The following SUGCT variants were observed in gnomAD, a reference collection of about 807,000 sequenced individuals.
SUGCT encodes the protein succinyl-CoA:glutarate CoA-transferase.
Under a neutral mutation model 55.0 loss-of-function variants are expected in SUGCT, and 41 were observed. The ratio of observed to expected loss-of-function variants is 0.74; its 90% CI spans 0.58 to 0.97. SUGCT has a LOEUF of 0.97. SUGCT is among the 50% of genes least tolerant of loss of function. The pLI is 0.00. For missense variants in SUGCT, 568 were observed against 547.8 expected (o/e 1.04, Z -0.37); for synonymous variants, 187 against 200.4 (o/e 0.93, Z 0.56).
chr7:40,438,756 G>C (rs1175239809), intron 9 of SUGCT, among the ~76,000 whole-genome samples: 1 of 151,778 alleles, frequency 6.6e-6, no homozygotes, highest in Non-Finnish European at 1.5e-5. Context: ...CTGTGATAAA[G>C]AATCTGGTAG....
intron 12 of SUGCT, among the ~76,000 whole-genome samples, chr7:40,596,713 G>A (rs1175516204): frequency 6.6e-6 from 1 of 152,126 alleles, no homozygotes; most frequent in Non-Finnish European, 1.5e-5. Flanking sequence ...TATATGAAGT[G>A]TTAAAGTTTA....
intron 1 of SUGCT, among the ~76,000 whole-genome samples, chr7:40,150,125 C>T (rs1156819800): frequency 2.0e-5 from 3 of 152,092 alleles, no homozygotes; most frequent in Non-Finnish European, 2.9e-5. Flanking sequence ...GTCATGCGGC[C>T]GGAGGCTACA....
At chr7:40,466,711 A>G (rs1790128561) in intron 11 of SUGCT, among the ~76,000 whole-genome samples, 1 of 152,218 alleles carries the variant, frequency 6.6e-6, no homozygotes, top group African/African-American at 2.4e-5. Flanking sequence ...AGGATCCACG[A>G]TGTCAGGTTC....
At chr7:40,684,213 G>A in intron 12 of SUGCT, 3 of 1,488,756 alleles carry the variant, frequency 2.0e-6, no homozygotes, top group South Asian at 1.5e-5. Context: ...TCCATATCAA[G>A]GTTTGTGACC....
chr7:40,835,523 A>G (rs1584510646), intron 13 of SUGCT, among the ~76,000 whole-genome samples: 1 of 152,302 alleles, frequency 6.6e-6, no homozygotes, highest in Admixed American at 6.5e-5. Flanking sequence ...CAATACCTAC[A>G]TTCCATTCTA....
chr7:40,860,230 C>A, intron 13 of SUGCT, 86 bp from the exon 14 acceptor site: 1 of 1,529,742 alleles, frequency 6.5e-7, no homozygotes, highest in Non-Finnish European at 9.0e-7. Flanking sequence ...TTTTGGCATT[C>A]ATGGAAAACA....
intron 12 of SUGCT, among the ~76,000 whole-genome samples, chr7:40,531,098 G>A (rs75405821): frequency 0.027 from 4,126 of 152,294 alleles, 78 homozygotes; most frequent in Non-Finnish European, 0.041. Flanking sequence ...GTAAATAGAG[G>A]AAGAATGCAT....
chr7:40,310,370 C>T (rs566593934), intron 8 of SUGCT, among the ~76,000 whole-genome samples: 5 of 152,162 alleles, frequency 3.3e-5, no homozygotes, highest in African/African-American at 7.2e-5. Context: ...ACTGTCACAG[C>T]GAAAAGGAGC....
At chr7:40,767,340 T>C (rs1308826819) in intron 13 of SUGCT, among the ~76,000 whole-genome samples, 1 of 152,206 alleles carries the variant, frequency 6.6e-6, no homozygotes, top group Admixed American at 6.5e-5. Flanking sequence ...AATCACATGA[T>C]ATAAAAGAAA....
At chr7:40,760,070 C>T (rs1382731782) in intron 13 of SUGCT, among the ~76,000 whole-genome samples, 1 of 152,088 alleles carries the variant, frequency 6.6e-6, no homozygotes, top group Admixed American at 6.6e-5. Flanking sequence ...GATATATATG[C>T]AGATTTCAAT....
At chr7:40,720,230 T>C (rs1786255292) in intron 12 of SUGCT, among the ~76,000 whole-genome samples, 1 of 152,230 alleles carries the variant, frequency 6.6e-6, no homozygotes, top group South Asian at 2.1e-4. Context: ...CTGAGTATTC[T>C]TATCTATTAA....
intron 12 of SUGCT, among the ~76,000 whole-genome samples, chr7:40,507,412 G>C (rs1255669110): frequency 6.6e-6 from 1 of 152,098 alleles, no homozygotes; most frequent in Non-Finnish European, 1.5e-5. Context: ...GTTGTTCTTA[G>C]CCAGTTATAT....
At chr7:40,869,928 T>G in the SUGCT span, among the ~76,000 whole-genome samples, 8 of 152,344 alleles carry the variant, frequency 5.3e-5, no homozygotes, top group Admixed American at 3.3e-4. Context: ...CGTAACAGGA[T>G]GTACATGATG....
chr7:40,947,715 C>A, the SUGCT span, among the ~76,000 whole-genome samples: 67 of 152,292 alleles, frequency 4.4e-4, no homozygotes, highest in African/African-American at 1.5e-3. Context: ...GTCATGTTTA[C>A]ACACTGAAGT....
intron 12 of SUGCT, among the ~76,000 whole-genome samples, chr7:40,638,437 A>G (rs1296730101): frequency 1.3e-5 from 2 of 152,200 alleles, no homozygotes; most frequent in South Asian, 2.1e-4. Flanking sequence ...TATCCTGTGC[A>G]TATTAAAGAA....
At chr7:40,135,236 G>C (rs1787615518) in intron 1 of SUGCT, 116 bp downstream of exon 1, 9 of 1,268,364 alleles carry the variant, frequency 7.1e-6, no homozygotes, top group Non-Finnish European at 9.4e-6. Flanking sequence ...CTTAGCGGTG[G>C]CTTTGCTCGC....
intron 12 of SUGCT, among the ~76,000 whole-genome samples, chr7:40,631,834 G>T (rs898965952): frequency 2.0e-5 from 3 of 152,166 alleles, no homozygotes; most frequent in African/African-American, 7.2e-5. Flanking sequence ...TATTCCCGTG[G>T]TCATGAACAG....
At chr7:40,373,713 T>G (rs570927338) in intron 9 of SUGCT, among the ~76,000 whole-genome samples, 1 of 152,250 alleles carries the variant, frequency 6.6e-6, no homozygotes, top group East Asian at 1.9e-4. Context: ...AGGTGACTTA[T>G]GTATGATTGA....
At chr7:40,721,353 G>T (rs1260450128) in intron 12 of SUGCT, among the ~76,000 whole-genome samples, 2 of 152,128 alleles carry the variant, frequency 1.3e-5, no homozygotes, top group Non-Finnish European at 2.9e-5. Context: ...TCTCCTGAGA[G>T]TTATTATGAA....
Sources: allele counts gnomAD v4.1 joint callset (sites outside exome capture counted in the v4.1 genomes callset), GRCh38; gene constraint gnomAD v4.1.1; transcripts MANE v1.5; gene names NCBI Gene and HGNC (gene_info 2026-07-23, HGNC 2026-07-21).